Variants in BOP1 observed in about 807,000 individuals in gnomAD.
BOP1 encodes the protein BOP1 ribosomal biogenesis factor.
A neutral mutation model predicts 82.9 loss-of-function variants in BOP1; 54 were observed. The observed-to-expected ratio is 0.65, with a 90% CI of 0.52 to 0.82. The LOEUF (loss-of-function observed/expected upper bound fraction) is 0.82. Ranked by LOEUF, BOP1 falls within the 40% of genes least tolerant of loss-of-function variation. The pLI is 0.00. For missense variants in BOP1, 1,170 were observed against 1,072.0 expected (o/e 1.09, Z -1.28); for synonymous variants, 566 against 451.1 (o/e 1.25, Z -3.23).
intron 3 of BOP1, among the ~76,000 whole-genome samples, chr8:144,269,339 G>C (rs970364571): frequency 6.6e-6 from 1 of 152,230 alleles, no homozygotes; most frequent in Non-Finnish European, 1.5e-5. Flanking sequence ...ATGGTGCCAG[G>C]TGCGGGCGTC....
Position 144,264,599 on chromosome 8 carries a change from G to A in BOP1, c.681C>T (p.Phe227=), listed in dbSNP as rs1845314114. 9 of 1,603,168 alleles carry A rather than the reference G, an allele frequency of 5.6e-6. No homozygotes were observed. Among genetic ancestry groups the A allele is most frequent in the African/African-American group, 5.4e-5 (4 of 74,738 alleles). ...FNPYEPAVDF[F]SGDVMIHPVT... ...CCGGGTGGATCATGACGTCCCCGCTGAAGAAGTCGACAGCCGGCTGGGGGA... is the reference window on the plus strand; with the variant it reads ...CCGGGTGGATCATGACGTCCCCGCTAAAGAAGTCGACAGCCGGCTGGGGGA... Residue 227 remains phenylalanine (F), a synonymous_variant, in exon 6 of 16, where the codon TTC becomes TTT. Transcript: ENST00000569669.
Position 144,263,218 on chromosome 8 carries a change from T to G in BOP1, c.1605+3A>C, listed in dbSNP as rs1554836766. On this transcript the variant is annotated splice_donor_region_variant and intron_variant, in intron 12 of 15. Coordinates refer to ENST00000569669, the MANE Select transcript of BOP1 (RefSeq NM_015201.5). ...AGCCTCACCCCCAAGGCGCCCCACG[T>G]ACCTTCCCGTGGCAGATGCGCAGCC... 6.3e-7 allele frequency: 1 copy of G among 1,594,554 alleles called. No individual in the cohort carries two copies. Among genetic ancestry groups the G allele is most frequent in the East Asian group, 2.2e-5 (1 of 44,826 alleles).
At chr8:144,273,150 C>A (rs950023606) in intron 3 of BOP1, among the ~76,000 whole-genome samples, 4 of 152,142 alleles carry the variant, frequency 2.6e-5, no homozygotes, top group African/African-American at 7.2e-5. Context: ...CCTGAGTGCG[C>A]GGGGCCAGGA....
rs987863195 is a variant in BOP1, at chr8:144,278,219, C to T, written c.310-1915G>A. Among the ~76,000 whole-genome samples the T allele has an allele frequency of 6.3e-5, 8 of 127,690 alleles. No homozygotes were observed. The East Asian group carries it at 1.3e-3, about 21-fold the overall frequency. The allele number at this position is 127,690 out of a possible 152,430, so 83.8% of individuals were successfully genotyped here. A position where few individuals can be genotyped will look rare whatever the true frequency, so the allele number is the denominator to read the frequency against. ...AAGGACCGACGGGTGGGCAGGGAGCCGCCGAGGGGGAGCGCAAGGACGAGG... is the reference window on the plus strand; with the variant it reads ...AAGGACCGACGGGTGGGCAGGGAGCTGCCGAGGGGGAGCGCAAGGACGAGG... On this transcript the variant is annotated intron_variant, in intron 2 of 15. Coordinates refer to ENST00000569669, the MANE Select transcript of BOP1 (RefSeq NM_015201.5).
chr8:144,266,769 C>T (rs1280912219), intron 3 of BOP1: 3 of 1,073,216 alleles, frequency 2.8e-6, no homozygotes, highest in Non-Finnish European at 3.4e-6. Context: ...TCCAGGGCGC[C>T]CGGCGGAGGG....
chr8:144,288,535 T>A (rs1339434336), intron 2 of BOP1, among the ~76,000 whole-genome samples: 11 of 151,910 alleles, frequency 7.2e-5, no homozygotes, highest in Admixed American at 7.2e-4. Flanking sequence ...CTCAAAAAAA[T>A]AAAAAATAAA....
chr8:144,263,956 C>A (rs1845299201), intron 8 of BOP1, 25 bp downstream of exon 8: 1 of 1,611,284 alleles, frequency 6.2e-7, no homozygotes, highest in South Asian at 1.1e-5. Flanking sequence ...CTGTGCCACC[C>A]CCCTGGTGTG....
In BOP1 at chr8:144,262,176, G is replaced by A. The variant is rs1845200431; in HGVS notation, c.2229C>T (p.Arg743=). 1 of 1,612,458 alleles carries A rather than the reference G, an allele frequency of 6.2e-7. No individual in the cohort carries two copies. The highest frequency in any genetic ancestry group is 8.5e-7 in the Non-Finnish European group (1 of 1,179,826). ...VFSSGADGTV[R]LFT is the part of the protein sequence containing the mutation. Reference sequence around the variant, plus strand: ...GCAGGCAGAACAGCTAGGTGAAGAGGCGGACAGTCCCGTCTGCCCCCGAGG... The same window carrying A: ...GCAGGCAGAACAGCTAGGTGAAGAGACGGACAGTCCCGTCTGCCCCCGAGG... Residue 743 remains arginine, a synonymous_variant, in exon 16 of 16, where the codon CGC becomes CGT. Coordinates refer to ENST00000569669, the MANE Select transcript of BOP1 (RefSeq NM_015201.5).
At position 144,264,013 on chromosome 8, in the gene BOP1, G is replaced by A; in HGVS notation, c.1108C>T (p.Leu370=). 6.2e-7 allele frequency: 1 copy of A among 1,609,072 alleles called. No homozygotes were observed. Among genetic ancestry groups the A allele is most frequent in the South Asian group, 1.1e-5 (1 of 91,056 alleles). Residue 370 remains leucine (L), a synonymous_variant, in exon 8 of 16, where the codon CTG becomes TTG. Coordinates refer to ENST00000569669, the MANE Select transcript of BOP1 (RefSeq NM_015201.5). ...TTGCGCTGCCGTGGGCACAGGTACA[G>A]GTCAAGGCAGCGCTCGAAGCGTTCC... ...IQERFERCLD[L]YLCPRQRKMR...
At chr8:144,284,722 G>A (rs918179194) in intron 2 of BOP1, among the ~76,000 whole-genome samples, 1 of 152,196 alleles carries the variant, frequency 6.6e-6, no homozygotes, top group Non-Finnish European at 1.5e-5. Context: ...GCATCCAAAG[G>A]TGCCCTAGAA....
intron 5 of BOP1, 45 bp downstream of exon 5, chr8:144,264,669 G>A: frequency 6.4e-7 from 1 of 1,565,704 alleles, no homozygotes; most frequent in Non-Finnish European, 8.7e-7. Flanking sequence ...CCCTGCTGGT[G>A]CCTCCAGGAC....
At chr8:144,283,612 CTG>C in intron 2 of BOP1, among the ~76,000 whole-genome samples, 1 of 152,350 alleles carries the variant, frequency 6.6e-6, no homozygotes, top group East Asian at 1.9e-4. Flanking sequence ...TGGGCCCAGC[CTG>C]TGACTCATTC....
At chr8:144,266,286 C>A (rs1135270) in intron 3 of BOP1, among the ~76,000 whole-genome samples, 1 of 152,096 alleles carries the variant, frequency 6.6e-6, no homozygotes, top group African/African-American at 2.4e-5. Context: ...CGGAACGATG[C>A]CCCCAAAGAC....
chr8:144,289,876 G>A (rs1354479629), intron 1 of BOP1, among the ~76,000 whole-genome samples: 1 of 152,200 alleles, frequency 6.6e-6, no homozygotes, highest in African/African-American at 2.4e-5. Context: ...AAATTGAAAG[G>A]ATTGGCTGAA....
chr8:144,289,350 G>T (rs782171912), intron 1 of BOP1, 46 bp from the exon 2 acceptor site: 33 of 1,590,602 alleles, frequency 2.1e-5, no homozygotes, highest in Non-Finnish European at 2.7e-5. Context: ...TCCAGGCATG[G>T]GGCACTGAAC....
Position 144,264,751 on chromosome 8 carries a change from C to T in BOP1, c.626G>A (p.Ser209Asn). 1 of 1,594,060 alleles carries T rather than the reference C, an allele frequency of 6.3e-7. No individual in the cohort carries two copies. The highest frequency in any genetic ancestry group is 8.5e-7 in the Non-Finnish European group (1 of 1,171,450). The change falls in exon 5 of 16, where the codon AGT becomes AAT. Residue 209 changes from serine (S) to asparagine (N), a missense_variant. Transcript: ENST00000569669. ...EQVALVRRLQ[S>N]GQFGDVGFNP... is the part of the protein sequence containing the mutation. ...GAAGCCCACATCCCCAAACTGGCCACTCTGCAGCCGCCGCACCAGGGCCAC... is the reference window on the plus strand; with the variant it reads ...GAAGCCCACATCCCCAAACTGGCCATTCTGCAGCCGCCGCACCAGGGCCAC...
chr8:144,266,603 C>T (rs1845372394), intron 3 of BOP1: 7 of 1,128,768 alleles, frequency 6.2e-6, no homozygotes, highest in Non-Finnish European at 7.7e-6. Flanking sequence ...CGCCGCGCCC[C>T]CGCCGGCCCC....
At chr8:144,287,285 C>T (rs1369210298) in intron 2 of BOP1, among the ~76,000 whole-genome samples, 1 of 152,222 alleles carries the variant, frequency 6.6e-6, no homozygotes, top group Non-Finnish European at 1.5e-5. Context: ...GCTGGGATTA[C>T]AGGCGTGAGC....
intron 2 of BOP1, among the ~76,000 whole-genome samples, chr8:144,280,843 C>G (rs1845656887): frequency 6.6e-6 from 1 of 151,788 alleles, no homozygotes; most frequent in African/African-American, 2.4e-5. Context: ...CAGACAGACT[C>G]TTGTCTCAGA....
Sources: allele counts gnomAD v4.1 joint callset (sites outside exome capture counted in the v4.1 genomes callset), GRCh38; gene constraint gnomAD v4.1.1; transcripts MANE v1.5; gene names NCBI Gene and HGNC (gene_info 2026-07-23, HGNC 2026-07-21).